Variants in PTPRN2 observed in about 807,000 individuals in gnomAD.
The protein encoded by PTPRN2 is receptor-type tyrosine-protein phosphatase N2.
Under a neutral mutation model 118.8 loss-of-function variants are expected in PTPRN2, and 74 were observed. The observed-to-expected ratio is 0.62, with a 90% CI of 0.52 to 0.76. PTPRN2 has a LOEUF of 0.76. Among genes scored for constraint, PTPRN2 ranks in the 30% least tolerant of loss-of-function variants. PTPRN2 has a pLI of 0.00. For synonymous variants in PTPRN2, 641 were observed against 608.0 expected (o/e 1.05, Z -0.80); for missense variants, 1,481 against 1,394.4 (o/e 1.06, Z -0.99).
chr7:157,963,241 G>T (rs1175975110), intron 11 of PTPRN2, among the ~76,000 whole-genome samples: 3 of 152,236 alleles, frequency 2.0e-5, no homozygotes, highest in Non-Finnish European at 4.4e-5. Flanking sequence ...TTTCCTTCCT[G>T]TGTGCACGCT....
intron 11 of PTPRN2, among the ~76,000 whole-genome samples, chr7:158,074,138 G>A (rs150704999): frequency 3.6e-4 from 55 of 152,262 alleles, no homozygotes; most frequent in African/African-American, 1.1e-3. Context: ...ACTCAGCGAC[G>A]CCCACAGTGT....
At chr7:158,312,222 AGACACC>A in intron 3 of PTPRN2, among the ~76,000 whole-genome samples, 9 of 33,784 alleles carry the variant, frequency 2.7e-4, no homozygotes, top group South Asian at 1.2e-3. Flanking sequence ...ACGTGCTCAC[AGACACC>A]CACACACATG....
chr7:158,362,247 C>T (rs562414159), intron 2 of PTPRN2, among the ~76,000 whole-genome samples: 4 of 152,232 alleles, frequency 2.6e-5, no homozygotes, highest in Non-Finnish European at 2.9e-5. Flanking sequence ...CCTGCCCGCC[C>T]GGCCTCAGCC....
intron 15 of PTPRN2, 38 bp downstream of exon 15, chr7:157,621,324 C>G (rs200808172): frequency 2.0e-6 from 3 of 1,489,784 alleles, no homozygotes; most frequent in Non-Finnish European, 2.7e-6. Flanking sequence ...TTCCACCGCC[C>G]GTAACCCAGG....
chr7:158,042,394 CA>C (rs1445414288), intron 11 of PTPRN2, among the ~76,000 whole-genome samples: 1 of 152,154 alleles, frequency 6.6e-6, no homozygotes, highest in African/African-American at 2.4e-5. Context: ...CAGAACTGCA[CA>C]AGTTCAGGCA....
intron 12 of PTPRN2, among the ~76,000 whole-genome samples, chr7:157,683,204 A>T (rs1240073371): frequency 6.6e-6 from 1 of 152,174 alleles, no homozygotes; most frequent in Non-Finnish European, 1.5e-5. Flanking sequence ...CTGTTTTTCA[A>T]ATTTATGTAA....
intron 12 of PTPRN2, among the ~76,000 whole-genome samples, chr7:157,788,171 C>A (rs1398997091): frequency 6.6e-6 from 1 of 152,026 alleles, no homozygotes; most frequent in Non-Finnish European, 1.5e-5. Context: ...GTCAGGAGAT[C>A]GAGATCATCC....
intron 12 of PTPRN2, among the ~76,000 whole-genome samples, chr7:157,710,526 T>G: frequency 1.7e-5 from 2 of 117,910 alleles, no homozygotes; most frequent in Non-Finnish European, 1.6e-5. Context: ...GGGCAGAGAG[T>G]GACATGGCTG....
chr7:158,156,977 C>T (rs984972203), intron 6 of PTPRN2, among the ~76,000 whole-genome samples: 89 of 150,866 alleles, frequency 5.9e-4, no homozygotes, highest in African/African-American at 2.1e-3. Flanking sequence ...TGGAAGGCCT[C>T]CCCATTGTGC....
At chr7:157,804,200 C>T (rs866425642) in intron 12 of PTPRN2, among the ~76,000 whole-genome samples, 13 of 152,186 alleles carry the variant, frequency 8.5e-5, no homozygotes, top group Admixed American at 2.0e-4. Context: ...CCAATGCCCC[C>T]GCGAAGTCAT....
intron 2 of PTPRN2, among the ~76,000 whole-genome samples, chr7:158,373,988 G>A (rs1173886358): frequency 6.6e-6 from 1 of 152,178 alleles, no homozygotes; most frequent in East Asian, 1.9e-4. Flanking sequence ...TGCTGGGCTG[G>A]GCCCTGAGGG....
chr7:157,882,716 C>T (rs1563204707), intron 12 of PTPRN2, among the ~76,000 whole-genome samples: 2 of 144,628 alleles, frequency 1.4e-5, no homozygotes, highest in Non-Finnish European at 3.0e-5. Context: ...TACACCACCC[C>T]AAAAAACTGT....
intron 4 of PTPRN2, among the ~76,000 whole-genome samples, chr7:158,201,889 A>T (rs1826672229): frequency 1.3e-5 from 2 of 152,142 alleles, no homozygotes; most frequent in African/African-American, 4.8e-5. Flanking sequence ...TATAAAACCA[A>T]GCTGCACCCT....
intron 3 of PTPRN2, among the ~76,000 whole-genome samples, chr7:158,313,439 G>T (rs1371671398): frequency 1.3e-5 from 2 of 152,210 alleles, no homozygotes; most frequent in African/African-American, 4.8e-5. Flanking sequence ...AGTCCCTGGG[G>T]ATGGAGCTGG....
chr7:157,722,842 C>T (rs1044912669), intron 12 of PTPRN2, among the ~76,000 whole-genome samples: 11 of 152,064 alleles, frequency 7.2e-5, no homozygotes, highest in African/African-American at 2.7e-4. Context: ...GGCTCTGCTC[C>T]CACGGGTTCG....
rs1822987638 is a variant in PTPRN2, at chr7:158,509,043, CGGGTGGAGGT to C, written c.113-19268_113-19259del. Among the ~76,000 whole-genome samples, 1 of 151,452 alleles carries C rather than the reference CGGGTGGAGGT, an allele frequency of 6.6e-6. No individual in the cohort carries two copies. Among genetic ancestry groups the C allele is most frequent in the African/African-American group, 2.4e-5 (1 of 41,140 alleles). ...ATCTCTTCAGAGGTGGAAGCTGATG[CGGGTGGAGGT>C]GGGTGGTTTCTAAAGATAAGAAGGG... On this transcript the variant is annotated intron_variant, in intron 1 of 22. Coordinates refer to ENST00000389418, the MANE Select transcript of PTPRN2 (RefSeq NM_002847.5). This position sits in a 1 kb window ranked among gnomAD's most constrained non-coding sequence, Gnocchi z 4.4.
At chr7:157,635,945 G>T (rs1016697986) in intron 14 of PTPRN2, among the ~76,000 whole-genome samples, 2 of 152,188 alleles carry the variant, frequency 1.3e-5, no homozygotes, top group Non-Finnish European at 2.9e-5. Context: ...AAAAATATTT[G>T]CACCCTGCTG....
intron 11 of PTPRN2, among the ~76,000 whole-genome samples, chr7:158,069,237 CA>C (rs1332870618): frequency 2.0e-5 from 3 of 152,214 alleles, no homozygotes; most frequent in Admixed American, 2.0e-4. Context: ...CACCCAAGCT[CA>C]GGGGCAGTGG....
chr7:158,126,055 C>T (rs1239475850), intron 9 of PTPRN2, among the ~76,000 whole-genome samples: 1 of 148,474 alleles, frequency 6.7e-6, no homozygotes, highest in Non-Finnish European at 1.5e-5. Context: ...ACACCAGCCC[C>T]CAGGACAGCG....
Sources: allele counts gnomAD v4.1 joint callset (sites outside exome capture counted in the v4.1 genomes callset), GRCh38; gene constraint gnomAD v4.1.1; non-coding constraint Gnocchi (gnomAD v3.1); transcripts MANE v1.5; gene names NCBI Gene and HGNC (gene_info 2026-07-23, HGNC 2026-07-21).